The following KDM4B variants were observed in gnomAD, a reference collection of about 807,000 sequenced individuals.
KDM4B encodes the protein lysine demethylase 4B.
A neutral mutation model predicts 125.2 loss-of-function variants in KDM4B; 32 were observed. That is an observed-to-expected ratio of 0.26 (90% CI 0.19 to 0.34). KDM4B has a LOEUF of 0.34. Ranked by LOEUF, KDM4B falls within the 10% of genes least tolerant of loss-of-function variation. The pLI, the probability that KDM4B is intolerant of heterozygous loss-of-function variation, is 1.00. For missense variants in KDM4B, 1,190 were observed against 1,577.7 expected (o/e 0.75, Z 4.16); for synonymous variants, 721 against 677.9 (o/e 1.06, Z -0.99).
At chr19:5,093,877 G>A (rs2038763664) in intron 9 of KDM4B, among the ~76,000 whole-genome samples, 1 of 152,232 alleles carries the variant, frequency 6.6e-6, no homozygotes, top group Admixed American at 6.5e-5. Context: ...CCTAGAGAGG[G>A]TGCAGGGACG....
intron 2 of KDM4B, among the ~76,000 whole-genome samples, chr19:5,018,882 T>C (rs566927030): frequency 2.0e-5 from 3 of 152,264 alleles, no homozygotes; most frequent in Non-Finnish European, 4.4e-5. Flanking sequence ...CTCCGTGGCC[T>C]GCGTCAGAGC....
At chr19:5,058,430 G>A (rs952175318) in intron 6 of KDM4B, among the ~76,000 whole-genome samples, 4 of 152,200 alleles carry the variant, frequency 2.6e-5, no homozygotes, top group Non-Finnish European at 5.9e-5. Flanking sequence ...AGGGGAGCCC[G>A]GTGAGGGGAG....
At chr19:4,991,540 T>C (rs1328757607) in intron 1 of KDM4B, among the ~76,000 whole-genome samples, 1 of 152,248 alleles carries the variant, frequency 6.6e-6, no homozygotes, top group Non-Finnish European at 1.5e-5. Context: ...CTGTCTCCAG[T>C]GGTAACATTT....
chr19:5,128,442 G>A (rs1481987186), intron 11 of KDM4B, among the ~76,000 whole-genome samples: 2 of 152,096 alleles, frequency 1.3e-5, no homozygotes, highest in African/African-American at 4.8e-5. Flanking sequence ...TGGGGGGCCT[G>A]AGTCCCAGTC....
At chr19:5,095,172 A>G (rs1197498676) in intron 9 of KDM4B, among the ~76,000 whole-genome samples, 4 of 152,208 alleles carry the variant, frequency 2.6e-5, no homozygotes, top group Non-Finnish European at 4.4e-5. Flanking sequence ...CGTCGGCTGT[A>G]GAACCGCCCG....
At chr19:5,096,763 G>A (rs1318817157) in intron 9 of KDM4B, among the ~76,000 whole-genome samples, 1 of 150,870 alleles carries the variant, frequency 6.6e-6, no homozygotes, top group Non-Finnish European at 1.5e-5. Context: ...GGTGTCGGTG[G>A]CGCGTGTTGC....
chr19:5,144,668 C>T (rs924984364), intron 20 of KDM4B, 115 bp from the exon 21 acceptor site: 1 of 1,467,026 alleles, frequency 6.8e-7, no homozygotes, highest in African/African-American at 1.4e-5. Context: ...CCGCAGCCAG[C>T]TTTGGGGCTT....
intron 6 of KDM4B, among the ~76,000 whole-genome samples, chr19:5,059,870 C>T (rs1055233089): frequency 1.8e-4 from 27 of 152,358 alleles, no homozygotes; most frequent in Admixed American, 4.6e-4. Context: ...GAGACTCAGA[C>T]TCCCACCAGG....
intron 21 of KDM4B, among the ~76,000 whole-genome samples, chr19:5,149,877 AC>A (rs915497515): frequency 1.3e-5 from 2 of 152,114 alleles, no homozygotes; most frequent in African/African-American, 4.8e-5. Context: ...TAAGCCAGGG[AC>A]CCTGTCCTTC....
intron 9 of KDM4B, among the ~76,000 whole-genome samples, chr19:5,104,047 C>T (rs1235916704): frequency 6.6e-6 from 1 of 152,220 alleles, no homozygotes; most frequent in Non-Finnish European, 1.5e-5. Flanking sequence ...CAGTCTGGCC[C>T]TCCCCTTTTT....
At position 5,007,514 on chromosome 19, in the gene KDM4B, G is replaced by A. The variant is rs1193564165; in HGVS notation, c.-108-8743G>A. On this transcript the variant is annotated intron_variant, in intron 1 of 22. Transcript: ENST00000159111. ...TTGCAAATATATGTTCTCCTGTTTT[G>A]TACATTGTCTTTTCACTTTCTCTCT... Among the ~76,000 whole-genome samples, 6 of 142,830 alleles carry A rather than the reference G, an allele frequency of 4.2e-5. No individual in the cohort carries two copies. The East Asian group carries it at 1.2e-3, about 29-fold the overall frequency. The allele number at this position is 142,830 out of a possible 152,430, so 93.7% of individuals were successfully genotyped here. A position where few individuals can be genotyped will look rare whatever the true frequency, so the allele number is the denominator to read the frequency against.
At chr19:5,046,245 C>T (rs1440652961) in intron 5 of KDM4B, among the ~76,000 whole-genome samples, 6 of 152,204 alleles carry the variant, frequency 3.9e-5, no homozygotes, top group African/African-American at 1.4e-4. Flanking sequence ...CATGTGTTTG[C>T]CATGCCTAGC....
intron 21 of KDM4B, among the ~76,000 whole-genome samples, chr19:5,147,916 G>A (rs755774923): frequency 5.9e-5 from 9 of 152,162 alleles, no homozygotes; most frequent in African/African-American, 9.7e-5. Context: ...CCCGCTGTGT[G>A]GTGGCCAAGG....
At chr19:4,987,935 G>A (rs2034896325) in intron 1 of KDM4B, among the ~76,000 whole-genome samples, 1 of 152,178 alleles carries the variant, frequency 6.6e-6, no homozygotes, top group African/African-American at 2.4e-5. Flanking sequence ...GGAGATCACT[G>A]CTACTCCCAG....
intron 16 of KDM4B, 54 bp downstream of exon 16, chr19:5,137,392 C>G: frequency 6.7e-7 from 1 of 1,493,328 alleles, no homozygotes; most frequent in Non-Finnish European, 9.1e-7. Flanking sequence ...GGCCCCGGCC[C>G]CACTCCAGTG....
intron 9 of KDM4B, among the ~76,000 whole-genome samples, chr19:5,107,938 GT>G (rs1384104999): frequency 6.6e-6 from 1 of 152,228 alleles, no homozygotes; most frequent in Non-Finnish European, 1.5e-5. Context: ...GCAGAGCCAC[GT>G]GGAGACTTGC....
chr19:5,092,470 G>A (rs2038729359), intron 9 of KDM4B, among the ~76,000 whole-genome samples: 2 of 152,184 alleles, frequency 1.3e-5, no homozygotes, highest in South Asian at 2.1e-4. Flanking sequence ...TAATACCCCC[G>A]GTTCTGCTGC....
intron 3 of KDM4B, 45 bp from the exon 4 acceptor site, chr19:5,039,791 C>G: frequency 6.3e-7 from 1 of 1,594,298 alleles, no homozygotes; most frequent in South Asian, 1.1e-5. Flanking sequence ...CTGGCCCTGC[C>G]CTGAGGGTCT....
At position 4,997,091 on chromosome 19, in the gene KDM4B, C is replaced by T. The variant is rs1487443611; in HGVS notation, c.-108-19166C>T. ...CCTCCACGCCAGCACCACCCTCAGT[C>T]GTGACAGCCATAAATGTCCCTAGAC... is the stretch of plus-strand genomic sequence containing the variant. On this transcript the variant is annotated intron_variant, in intron 1 of 22. Coordinates refer to ENST00000159111, the MANE Select transcript of KDM4B (RefSeq NM_015015.3). The surrounding 1 kb of genome is among the most constrained non-coding windows in gnomAD (Gnocchi z 4.2). Among the ~76,000 whole-genome samples, 2 of 152,208 alleles carry T rather than the reference C, an allele frequency of 1.3e-5. No individual in the cohort carries two copies. Among genetic ancestry groups the T allele is most frequent in the South Asian group, 2.1e-4 (1 of 4,836 alleles).
Sources: allele counts gnomAD v4.1 joint callset (sites outside exome capture counted in the v4.1 genomes callset), GRCh38; gene constraint gnomAD v4.1.1; non-coding constraint Gnocchi (gnomAD v3.1); transcripts MANE v1.5; gene names NCBI Gene and HGNC (gene_info 2026-07-23, HGNC 2026-07-21).